The following ALDH16A1 variants were observed in gnomAD, a reference collection of about 807,000 sequenced individuals.
ALDH16A1 encodes the protein aldehyde dehydrogenase family 16 member A1.
In ALDH16A1, 88 loss-of-function variants were observed where a neutral mutation model predicts 96.1. That is an observed-to-expected ratio of 0.92 (90% confidence interval 0.77 to 1.09). The LOEUF (loss-of-function observed/expected upper bound fraction) is 1.09, where lower values mean the gene tolerates loss of function less well. Ranked by LOEUF, ALDH16A1 falls within the 50% of genes least tolerant of loss-of-function variation. The pLI is 0.00. For synonymous variants in ALDH16A1, 522 were observed against 496.4 expected (o/e 1.05, Z -0.69); for missense variants, 1,250 against 1,112.6 (o/e 1.12, Z -1.76).
At position 49,463,956 on chromosome 19, in the gene ALDH16A1, C is replaced by A. The variant is rs199879741; in HGVS notation, c.1194+7C>A. 2 of 1,605,332 alleles carry A rather than the reference C, an allele frequency of 1.2e-6. No homozygotes were observed. Among genetic ancestry groups the A allele is most frequent in the East Asian group, 2.2e-5 (1 of 44,850 alleles). On this transcript the variant is annotated splice_region_variant and intron_variant, in intron 9 of 16. Coordinates refer to ENST00000293350, the MANE Select transcript of ALDH16A1 (RefSeq NM_153329.4). ...CCCATGTGCCCAGGTGGAGGTGAGA[C>A]CCTTAAGGCTGCAGAGCTCCTACCC...
intron 1 of ALDH16A1, among the ~76,000 whole-genome samples, chr19:49,455,831 C>T (rs1019143379): frequency 6.6e-6 from 1 of 152,178 alleles, no homozygotes; most frequent in Non-Finnish European, 1.5e-5. Flanking sequence ...AGTTCTCAAC[C>T]GTACAGTCTC....
At position 49,465,878 on chromosome 19, in the gene ALDH16A1, T is replaced by C; in HGVS notation, c.1709T>C (p.Val570Ala). Residue 570 changes from valine (V) to alanine (A), a missense_variant, in exon 13 of 17, where the codon GTG (valine) becomes GCG (alanine). Val to Ala is a moderately conservative substitution (Grantham distance 64, BLOSUM62 0). Coordinates refer to ENST00000293350, the MANE Select transcript of ALDH16A1 (RefSeq NM_153329.4). ...GGAGCCAAGGACATCCGAGGTGCTG[T>C]GGAGGCCGCTCACCAGGCTTTCCCT... ...EGGAKDIRGAVEAAHQAFPGW... is the reference protein window; with the variant it reads ...EGGAKDIRGAAEAAHQAFPGW... 6.2e-7 allele frequency: 1 copy of C among 1,613,970 alleles called. No homozygotes were observed. Among genetic ancestry groups the C allele is most frequent in the Non-Finnish European group, 8.5e-7 (1 of 1,179,954 alleles).
In ALDH16A1 at chr19:49,468,214, C is replaced by A; in HGVS notation, c.1939-167C>A. The A allele has an allele frequency of 1.5e-6, 1 of 649,674 alleles. No homozygotes were observed. The highest frequency in any genetic ancestry group is 2.6e-6 in the Non-Finnish European group (1 of 386,188). 40.2% of individuals were successfully genotyped at this position (649,674 alleles called of 1,614,324 possible). Reference sequence around the variant, plus strand: ...CAGGATGTTTCTCACCGCCCGAACCCCCGTGGAATGATTCACTTTGACCAG... The same window carrying A: ...CAGGATGTTTCTCACCGCCCGAACCACCGTGGAATGATTCACTTTGACCAG... On this transcript the variant is annotated intron_variant, in intron 14 of 16. Coordinates refer to ENST00000293350, the MANE Select transcript of ALDH16A1 (RefSeq NM_153329.4). The surrounding 1 kb of genome is among the most constrained non-coding windows in gnomAD (Gnocchi z 4.4).
intron 16 of ALDH16A1, chr19:49,469,263 C>T (rs189429314): frequency 2.1e-5 from 6 of 289,692 alleles, no homozygotes; most frequent in African/African-American, 1.1e-4. Context: ...CCACAGTCTA[C>T]GCTTTGTTTT....
In ALDH16A1 at chr19:49,458,548, T is replaced by G; in HGVS notation, c.153T>G (p.Pro51=). ...ATGTGAATGGGAAGTGGTTAAAGCC[T>G]GAACACAGAAATTCAGTGCCTTGCC... ...GHYVNGKWLK[P]EHRNSVPCQD... is the part of the protein sequence containing the mutation. Residue 51 remains proline (P), a synonymous_variant, in exon 2 of 17, where the codon CCT becomes CCG. Coordinates refer to ENST00000293350, the MANE Select transcript of ALDH16A1 (RefSeq NM_153329.4). The G allele has an allele frequency of 6.4e-7, 1 of 1,566,608 alleles. No homozygotes were observed. The highest frequency in any genetic ancestry group is 8.7e-7 in the Non-Finnish European group (1 of 1,153,394).
At chr19:49,458,906 C>T (rs2079120817) in intron 2 of ALDH16A1, 54 bp from the exon 3 acceptor site, 4 of 1,581,874 alleles carry the variant, frequency 2.5e-6, no homozygotes, top group Non-Finnish European at 3.4e-6. Flanking sequence ...CAGCCCCCTC[C>T]AGATATGACA....
chr19:49,469,110 A>T, intron 16 of ALDH16A1, 124 bp downstream of exon 16: 1 of 1,428,758 alleles, frequency 7.0e-7, no homozygotes, highest in Non-Finnish European at 9.3e-7. Context: ...CCTTGACAAG[A>T]AGGTTTTGAG....
rs1156717753 is a variant in ALDH16A1 at position 49,459,972 on chromosome 19, G to C, written c.499+124G>C. ...GTCGCCCAGGCCGGAGTGCAGTGGC[G>C]CAATCTTGGCTCACTATAACCTCCG... On this transcript the variant is annotated intron_variant, in intron 4 of 16. Coordinates refer to ENST00000293350, the MANE Select transcript of ALDH16A1 (RefSeq NM_153329.4). This position sits in a 1 kb window ranked among gnomAD's most constrained non-coding sequence, Gnocchi z 4.1. 8 of 1,190,462 alleles carry C rather than the reference G, an allele frequency of 6.7e-6. No homozygotes were observed. The highest frequency in any genetic ancestry group is 1.1e-6 in the Non-Finnish European group (1 of 881,478). 73.7% of individuals were successfully genotyped at this position (1,190,462 alleles called of 1,614,324 possible). A position where few individuals can be genotyped will look rare whatever the true frequency, so the allele number is the denominator to read the frequency against.
intron 6 of ALDH16A1, 33 bp downstream of exon 6, chr19:49,461,833 G>T (rs372159373): frequency 6.2e-7 from 1 of 1,603,312 alleles, no homozygotes; most frequent in Non-Finnish European, 8.5e-7. Flanking sequence ...GGCGGAACGC[G>T]GCTGGGGGCC....
In ALDH16A1 at chr19:49,463,928, C is replaced by T. The variant is rs1171232983; in HGVS notation, c.1173C>T (p.Ala391=). The change falls in exon 9 of 17, where the codon GCC becomes GCT. Residue 391 remains alanine (A), a synonymous_variant. Coordinates refer to ENST00000293350, the MANE Select transcript of ALDH16A1 (RefSeq NM_153329.4). ...CCTTGGTCTCCAACCTGCCCCCAGC[C>T]TCCCCATGTGCCCAGGTGGAGGTGA... ...PPTLVSNLPP[A]SPCAQVEVPW... is the part of the protein sequence containing the mutation. The T allele has an allele frequency of 6.2e-7, 1 of 1,611,624 alleles. No homozygotes were observed. Among genetic ancestry groups the T allele is most frequent in the South Asian group, 1.1e-5 (1 of 90,788 alleles).
At chr19:49,458,385 G>A in intron 1 of ALDH16A1, 101 bp from the exon 2 acceptor site, 1 of 851,808 alleles carries the variant, frequency 1.2e-6, no homozygotes, top group Non-Finnish European at 1.9e-6. Context: ...AGCTGATGGG[G>A]CAGAGGGAGA....
At chr19:49,461,834 G>C (rs2079150639) in intron 6 of ALDH16A1, 34 bp downstream of exon 6, 7 of 1,601,906 alleles carry the variant, frequency 4.4e-6, no homozygotes, top group South Asian at 1.1e-5. Flanking sequence ...GCGGAACGCG[G>C]CTGGGGGCCG....
chr19:49,459,126 C>A lies in ALDH16A1; in HGVS notation c.320+40C>A. 1 of 1,590,682 alleles carries A rather than the reference C, an allele frequency of 6.3e-7. No individual in the cohort carries two copies. Among genetic ancestry groups the A allele is most frequent in the Non-Finnish European group, 8.6e-7 (1 of 1,165,730 alleles). On this transcript the variant is annotated intron_variant, in intron 3 of 16. Coordinates refer to ENST00000293350, the MANE Select transcript of ALDH16A1 (RefSeq NM_153329.4). This position sits in a 1 kb window ranked among gnomAD's most constrained non-coding sequence, Gnocchi z 4.1. ...GTGTGGACCCCGGGAGGCGGGGAAC[C>A]CCAGCATCCACTCGAGACCATGGGA...
intron 1 of ALDH16A1, 144 bp from the exon 2 acceptor site, chr19:49,458,342 C>CTT: frequency 1.6e-6 from 1 of 641,398 alleles, no homozygotes; most frequent in Non-Finnish European, 2.7e-6. Flanking sequence ...TTACCACAAA[C>CTT]TTTTTTTTTA....
Position 49,462,055 on chromosome 19 carries a change from C to A in ALDH16A1, c.912+19C>A. ...CGGCCCGGTGAGACCCGTGCGCTCC[C>A]GTCTCCTCATACCCTGGAGGCCGTT... On this transcript the variant is annotated intron_variant, in intron 7 of 16. Transcript: ENST00000293350. The A allele has an allele frequency of 6.5e-7, 1 of 1,534,254 alleles. No homozygotes were observed. Among genetic ancestry groups the A allele is most frequent in the South Asian group, 1.2e-5 (1 of 83,484 alleles).
intron 14 of ALDH16A1, among the ~76,000 whole-genome samples, chr19:49,467,455 C>T (rs554646238): frequency 5.4e-5 from 8 of 149,278 alleles, no homozygotes; most frequent in East Asian, 4.0e-4. Flanking sequence ...AGTGCAGTGG[C>T]GCAATCTCGG....
intron 7 of ALDH16A1, 77 bp from the exon 8 acceptor site, chr19:49,462,493 C>G (rs2079158671): frequency 6.7e-7 from 1 of 1,502,846 alleles, no homozygotes; most frequent in Non-Finnish European, 9.0e-7. Context: ...AGTTTTCCAG[C>G]CTCTGTCTTC....
chr19:49,466,275 A>T lies in ALDH16A1; in HGVS notation c.1930A>T (p.Thr644Ser). ...WGARVQAQGH[T>S]LQVAGLRGPV... Reference sequence around the variant, plus strand: ...GGCCCGGGTGCAGGCCCAAGGCCACACCCTGCAGGTGAAGGGTCTGTGGGC... The same window carrying T: ...GGCCCGGGTGCAGGCCCAAGGCCACTCCCTGCAGGTGAAGGGTCTGTGGGC... Residue 644 changes from threonine to serine, a missense_variant, in exon 14 of 17, where the codon ACC becomes TCC. Physicochemically the swap from Thr to Ser is moderately conservative, Grantham distance 58. Transcript: ENST00000293350. 2 of 1,453,228 alleles carry T rather than the reference A, an allele frequency of 1.4e-6. No individual in the cohort carries two copies. Among genetic ancestry groups the T allele is most frequent in the Non-Finnish European group, 1.8e-6 (2 of 1,102,810 alleles). 90.0% of individuals were successfully genotyped at this position (1,453,228 alleles called of 1,614,324 possible).
chr19:49,456,911 C>T (rs2079107601), intron 1 of ALDH16A1, among the ~76,000 whole-genome samples: 1 of 151,544 alleles, frequency 6.6e-6, no homozygotes, highest in African/African-American at 2.4e-5. Flanking sequence ...AGTTCGAGAC[C>T]AGCCTGGCCA....
Sources: allele counts gnomAD v4.1 joint callset (sites outside exome capture counted in the v4.1 genomes callset), GRCh38; gene constraint gnomAD v4.1.1; non-coding constraint Gnocchi (gnomAD v3.1); transcripts MANE v1.5; gene names NCBI Gene and HGNC (gene_info 2026-07-23, HGNC 2026-07-21).